AJAP1: variants seen among roughly 807,000 people sequenced by gnomAD.
AJAP1 encodes the protein adherens junctions associated protein 1.
AJAP1 carries 5 observed loss-of-function variants against 35.0 expected under a neutral mutation model. The ratio of observed to expected loss-of-function variants is 0.14; its 90% CI spans 0.07 to 0.30. The LOEUF (loss-of-function observed/expected upper bound fraction) is 0.30, where lower values mean the gene tolerates loss of function less well. Among genes scored for constraint, AJAP1 ranks in the 10% least tolerant of loss-of-function variants. AJAP1 has a pLI of 1.00. For synonymous variants in AJAP1, 284 were observed against 249.3 expected, an observed-to-expected ratio of 1.14 and a Z score of -1.31; for missense variants, 586 against 571.0, an observed-to-expected ratio of 1.03 and a Z score of -0.27.
Position 4,785,425 on chromosome 1 carries a change from A to C in AJAP1, c.*2940A>C, listed in dbSNP as rs1346918725. On this transcript the variant is annotated 3_prime_UTR_variant, in exon 6 of 6. Coordinates refer to ENST00000378191, the MANE Select transcript of AJAP1 (RefSeq NM_018836.4). ...GTAGACGTGTTACTTTACTTTTTTA[A>C]ATGGTTACCTGCTCTCCCAGACCCC... 6.6e-6 allele frequency: 1 copy of C among 152,044 alleles called. No individual in the cohort carries two copies. Among genetic ancestry groups the C allele is most frequent in the Non-Finnish European group, 1.5e-5 (1 of 68,030 alleles). 9.4% of individuals were successfully genotyped at this position (152,044 alleles called of 1,614,324 possible).
Position 4,656,609 on chromosome 1 carries a change from A to G in AJAP1, c.29+1155A>G, listed in dbSNP as rs550412756. Among the ~76,000 whole-genome samples the G allele has an allele frequency of 2.6e-5, 4 of 152,216 alleles. No individual in the cohort carries two copies. In the East Asian group the frequency reaches 7.7e-4, roughly 29 times the overall value. On this transcript the variant is annotated intron_variant, in intron 1 of 5. Transcript: ENST00000378191. This position sits in a 1 kb window ranked among gnomAD's most constrained non-coding sequence, Gnocchi z 5.7. ...CTAGTGCGTGTCCTGATTTTGAGAA[A>G]TCGGAAGGGGACTGGGACGCCAAGT...
At chr1:4,657,497 G>T (rs1289968046) in intron 1 of AJAP1, among the ~76,000 whole-genome samples, 5 of 152,184 alleles carry the variant, frequency 3.3e-5, no homozygotes, top group Admixed American at 2.6e-4. Flanking sequence ...GAGCCAAAGG[G>T]TTGCAAGTTC....
chr1:4,755,236 A>G (rs1641401966), intron 2 of AJAP1, among the ~76,000 whole-genome samples: 2 of 152,366 alleles, frequency 1.3e-5, no homozygotes, highest in South Asian at 4.1e-4. Flanking sequence ...TAAAGACAGC[A>G]GCTGTTACTG....
rs561767575 is a variant in AJAP1 at position 4,677,639 on chromosome 1, A to G, written c.29+22185A>G. 2.0e-5 allele frequency among the ~76,000 whole-genome samples: 3 copies of G among 152,248 alleles called. No homozygotes were observed. The South Asian group carries it at 6.2e-4, about 32-fold the overall frequency. On this transcript the variant is annotated intron_variant, in intron 1 of 5. Transcript: ENST00000378191. ...CCAAGGCTTGCCATTCAGCGGGCAT[A>G]AAGCCAGGGTGTGCAGGAGAAACTC...
chr1:4,774,806 C>T (rs1179718505), intron 5 of AJAP1, among the ~76,000 whole-genome samples: 3 of 152,228 alleles, frequency 2.0e-5, no homozygotes, highest in African/African-American at 4.8e-5. Context: ...CCTGATTCCA[C>T]GTCCTCACTA....
chr1:4,704,617 AC>A (rs1640061013), intron 1 of AJAP1, among the ~76,000 whole-genome samples: 1 of 151,990 alleles, frequency 6.6e-6, no homozygotes, highest in African/African-American at 2.4e-5. Flanking sequence ...CAATAAACAT[AC>A]GTGTGCATGT....
intron 2 of AJAP1, among the ~76,000 whole-genome samples, chr1:4,726,132 G>C (rs1386135765): frequency 7.7e-6 from 1 of 130,624 alleles, no homozygotes; most frequent in Non-Finnish European, 1.5e-5. Flanking sequence ...GCCCCGCATA[G>C]AGTTGGAGAG....
intron 1 of AJAP1, among the ~76,000 whole-genome samples, chr1:4,675,125 T>C (rs2100520767): frequency 6.6e-6 from 1 of 152,226 alleles, no homozygotes. Context: ...AGGCCAGCAA[T>C]GGGTGTGGGC....
rs555617070 is a variant in AJAP1 at position 4,787,375 on chromosome 1, A to G, written c.*4890A>G. 2.4e-5 allele frequency: 6 copies of G among 251,128 alleles called. No individual in the cohort carries two copies. The highest frequency in any genetic ancestry group is 1.4e-4 in the African/African-American group (6 of 43,182). The allele number at this position is 251,128 out of a possible 1,614,324, so 15.6% of individuals were successfully genotyped here. On this transcript the variant is annotated 3_prime_UTR_variant, in exon 6 of 6. Transcript: ENST00000378191. ...AGTGGGGGGCATTGAAGGGGAAGAAAGAGAGGCAGGGGTTGTCTACGTCTC... is the reference window on the plus strand; with the variant it reads ...AGTGGGGGGCATTGAAGGGGAAGAAGGAGAGGCAGGGGTTGTCTACGTCTC...
chr1:4,696,895 C>T (rs990329448), intron 1 of AJAP1, among the ~76,000 whole-genome samples: 1 of 151,650 alleles, frequency 6.6e-6, no homozygotes, highest in African/African-American at 2.4e-5. Context: ...TCCATGTGTG[C>T]ATATGACTGT....
intron 3 of AJAP1, among the ~76,000 whole-genome samples, chr1:4,771,811 T>C (rs1330778915): frequency 6.6e-6 from 1 of 152,198 alleles, no homozygotes; most frequent in East Asian, 1.9e-4. Context: ...ACTCATCAGC[T>C]TTCCCCAAAG....
intron 2 of AJAP1, among the ~76,000 whole-genome samples, chr1:4,757,340 C>T (rs561464017): frequency 8.1e-4 from 123 of 152,336 alleles, no homozygotes; most frequent in African/African-American, 2.7e-3. Context: ...GCCAGCTGTT[C>T]GCTGATCTGG....
rs70955802 is a variant in AJAP1, at chr1:4,748,747, C to CAA, written c.830-21080_830-21079dup. ...TGGGTGACAGAGTGAGACTCTGTCT[C>CAA]AAAAAAAAAAAAAAAAAAAAAAAAA... On this transcript the variant is annotated intron_variant, in intron 2 of 5. Transcript: ENST00000378191. Among the ~76,000 whole-genome samples, 151 of 98,274 alleles carry CAA rather than the reference C, an allele frequency of 1.5e-3. 7 individuals are homozygous for CAA. The highest frequency in any genetic ancestry group is 5.1e-3 in the African/African-American group (130 of 25,634). 64.5% of individuals were successfully genotyped at this position (98,274 alleles called of 152,430 possible).
At chr1:4,761,556 A>G in intron 2 of AJAP1, among the ~76,000 whole-genome samples, 1 of 152,238 alleles carries the variant, frequency 6.6e-6, no homozygotes, top group East Asian at 1.9e-4. Context: ...GCAGAGAACA[A>G]TCAGAATCTG....
At chr1:4,715,107 A>G (rs1352384691) in intron 2 of AJAP1, among the ~76,000 whole-genome samples, 1 of 152,072 alleles carries the variant, frequency 6.6e-6, no homozygotes, top group Non-Finnish European at 1.5e-5. Flanking sequence ...AGAGGGCTGA[A>G]CTCCCTGGAA....
Position 4,711,954 on chromosome 1 carries a change from G to T in AJAP1, c.84G>T (p.Leu28=), listed in dbSNP as rs369969783. Reference sequence around the variant, plus strand: ...CCCTCGGAAGCCATGCCTGGATACTGATAGCCATGTTTCAGCTCGCCGTGG... The same window carrying T: ...CCCTCGGAAGCCATGCCTGGATACTTATAGCCATGTTTCAGCTCGCCGTGG... ...GRPLGSHAWI[L]IAMFQLAVDL... is the part of the protein sequence containing the mutation. Residue 28 remains leucine, a synonymous_variant, in exon 2 of 6, where the codon CTG becomes CTT. Coordinates refer to ENST00000378191, the MANE Select transcript of AJAP1 (RefSeq NM_018836.4). The T allele has an allele frequency of 3.2e-6, 5 of 1,575,224 alleles. No homozygotes were observed. Among genetic ancestry groups the T allele is most frequent in the Non-Finnish European group, 4.3e-6 (5 of 1,166,216 alleles).
At position 4,712,490 on chromosome 1, in the gene AJAP1, C is replaced by T; in HGVS notation, c.620C>T (p.Ser207Phe). 2 of 1,612,846 alleles carry T rather than the reference C, an allele frequency of 1.2e-6. No homozygotes were observed. Among genetic ancestry groups the T allele is most frequent in the Non-Finnish European group, 1.7e-6 (2 of 1,179,616 alleles). The change falls in exon 2 of 6, where the codon TCC (serine) becomes TTC (phenylalanine). Residue 207 changes from serine to phenylalanine, a missense_variant. Coordinates refer to ENST00000378191, the MANE Select transcript of AJAP1 (RefSeq NM_018836.4). ...GGCGTTTACGGCCCCACCACGGTCTCCATCCTACAAACACGGAAGACAACT... is the reference window on the plus strand; with the variant it reads ...GGCGTTTACGGCCCCACCACGGTCTTCATCCTACAAACACGGAAGACAACT... ...FPGVYGPTTV[S>F]ILQTRKTTVA...
At chr1:4,747,298 T>C (rs1641209741) in intron 2 of AJAP1, among the ~76,000 whole-genome samples, 1 of 152,160 alleles carries the variant, frequency 6.6e-6, no homozygotes, top group South Asian at 2.1e-4. Flanking sequence ...TGACTGCTCC[T>C]GAGTTGTTCC....
At chr1:4,736,745 G>T (rs1281400216) in intron 2 of AJAP1, among the ~76,000 whole-genome samples, 1 of 152,176 alleles carries the variant, frequency 6.6e-6, no homozygotes, top group Non-Finnish European at 1.5e-5. Context: ...AAAGAATAAA[G>T]AAAAGGCCTT....
Sources: allele counts gnomAD v4.1 joint callset (sites outside exome capture counted in the v4.1 genomes callset), GRCh38; gene constraint gnomAD v4.1.1; non-coding constraint Gnocchi (gnomAD v3.1); transcripts MANE v1.5; gene names NCBI Gene and HGNC (gene_info 2026-07-23, HGNC 2026-07-21).